Variants in SLC35A1 observed in about 807,000 individuals in gnomAD.
SLC35A1 encodes the protein solute carrier family 35 member A1, also known as CMP-sialic acid transporter.
In SLC35A1, 21 loss-of-function variants were observed where a neutral mutation model predicts 40.3. That is an observed-to-expected ratio of 0.52 (90% confidence interval 0.37 to 0.75). The LOEUF is 0.75. SLC35A1 is among the 30% of genes least tolerant of loss of function. The probability of loss-of-function intolerance (pLI) is 0.00; values close to 1 mark genes in which losing one functional copy is unlikely to be tolerated. For synonymous variants in SLC35A1, 146 were observed against 147.3 expected, an observed-to-expected ratio of 0.99 and a Z score of 0.06; for missense variants, 297 against 382.1, an observed-to-expected ratio of 0.78 and a Z score of 1.86.
At chr6:87,501,461 T>C (rs1443817160) in intron 4 of SLC35A1, 151 bp downstream of exon 4, 3 of 759,086 alleles carry the variant, frequency 4.0e-6, no homozygotes, top group Non-Finnish European at 6.7e-6. Flanking sequence ...TTCTTTAGCA[T>C]ATTATTAGGG....
intron 2 of SLC35A1, among the ~76,000 whole-genome samples, chr6:87,494,423 T>A (rs571998405): frequency 4.2e-5 from 1 of 23,610 alleles, no homozygotes; most frequent in Non-Finnish European, 7.0e-5. Context: ...AATATTTGAA[T>A]TTTTTTTTTT....
At chr6:87,486,314 A>C (rs1161800681) in intron 2 of SLC35A1, among the ~76,000 whole-genome samples, 1 of 152,158 alleles carries the variant, frequency 6.6e-6, no homozygotes, top group East Asian at 1.9e-4. Context: ...ATAACATACC[A>C]CTGCCATATT....
chr6:87,508,222 C>T (rs182899508), intron 5 of SLC35A1, among the ~76,000 whole-genome samples, 198 bp from the exon 6 acceptor site: 15 of 152,188 alleles, frequency 9.9e-5, no homozygotes, highest in African/African-American at 2.9e-4. Flanking sequence ...ATTCTATATA[C>T]TCTGTAAAAA....
intron 2 of SLC35A1, among the ~76,000 whole-genome samples, chr6:87,480,528 T>A (rs1242938999): frequency 6.6e-6 from 1 of 152,252 alleles, no homozygotes; most frequent in African/African-American, 2.4e-5. Context: ...TTTCTACTAC[T>A]GAGACCTTGC....
intron 2 of SLC35A1, among the ~76,000 whole-genome samples, chr6:87,480,822 A>G (rs913340702): frequency 8.5e-5 from 13 of 152,212 alleles, no homozygotes; most frequent in East Asian, 5.8e-4. Context: ...TCCAGGAACA[A>G]TGGTCCATGA....
chr6:87,494,411 T>A (rs571389831), intron 2 of SLC35A1, among the ~76,000 whole-genome samples: 363 of 145,848 alleles, frequency 2.5e-3, no homozygotes, highest in African/African-American at 8.5e-3. Flanking sequence ...TGATTTTTTT[T>A]AAATATTTGA....
chr6:87,491,482 T>C (rs1211707552), intron 2 of SLC35A1, among the ~76,000 whole-genome samples: 1 of 152,216 alleles, frequency 6.6e-6, no homozygotes, highest in Non-Finnish European at 1.5e-5. Context: ...TATGAGTCTT[T>C]CAGAAAAATG....
rs1770279553 is a variant in SLC35A1 at position 87,511,626 on chromosome 6, CTG to C, written c.*102_*103del. ...GGTAGCATAAACAAATAAAAATTAA[CTG>C]TATGGCATGATCAGTGCGGTTATGT... is the stretch of plus-strand genomic sequence containing the variant. On this transcript the variant is annotated 3_prime_UTR_variant, in exon 8 of 8. Transcript: ENST00000369552. The C allele has an allele frequency of 4.6e-6, 6 of 1,299,666 alleles. No homozygotes were observed. Among genetic ancestry groups the C allele is most frequent in the Admixed American group, 3.4e-5 (2 of 59,574 alleles). 80.5% of individuals were successfully genotyped at this position (1,299,666 alleles called of 1,614,324 possible).
At chr6:87,478,739 TATAA>T (rs1163366276) in intron 2 of SLC35A1, among the ~76,000 whole-genome samples, 3 of 152,226 alleles carry the variant, frequency 2.0e-5, no homozygotes, top group African/African-American at 4.8e-5. Flanking sequence ...AAATATGTGT[TATAA>T]ATAAAGTTTC....
chr6:87,486,828 G>A (rs973059504), intron 2 of SLC35A1, among the ~76,000 whole-genome samples: 4 of 152,264 alleles, frequency 2.6e-5, no homozygotes, highest in Non-Finnish European at 5.9e-5. Flanking sequence ...GGGTATCACA[G>A]TAGTAGTATG....
intron 5 of SLC35A1, among the ~76,000 whole-genome samples, chr6:87,507,490 T>C (rs1770122272): frequency 6.6e-6 from 1 of 152,200 alleles, no homozygotes; most frequent in East Asian, 1.9e-4. Context: ...AATATCTCTC[T>C]GTGTTTACGG....
chr6:87,497,071 A>G (rs1769752868), intron 2 of SLC35A1, among the ~76,000 whole-genome samples: 1 of 152,124 alleles, frequency 6.6e-6, no homozygotes, highest in Non-Finnish European at 1.5e-5. Context: ...GAAATTATTT[A>G]CCCTCTTCTT....
chr6:87,493,634 A>G (rs1048033469), intron 2 of SLC35A1, among the ~76,000 whole-genome samples: 6 of 152,312 alleles, frequency 3.9e-5, no homozygotes, highest in Admixed American at 6.5e-5. Context: ...TATTTGCTCA[A>G]TCCTAGAATA....
intron 2 of SLC35A1, among the ~76,000 whole-genome samples, chr6:87,494,688 G>A (rs967824606): frequency 2.0e-5 from 3 of 152,006 alleles, no homozygotes; most frequent in Admixed American, 2.0e-4. Flanking sequence ...GCCTCCCAAA[G>A]TGCTGGGATT....
chr6:87,507,750 T>TG (rs1222540990), intron 5 of SLC35A1, among the ~76,000 whole-genome samples: 7 of 148,818 alleles, frequency 4.7e-5, no homozygotes, highest in Admixed American at 6.9e-5. Flanking sequence ...GGACTTTTGT[T>TG]GGGGAGGGGT....
chr6:87,501,223 C>T lies in SLC35A1; in HGVS notation c.420C>T (p.Leu140=). Residue 140 remains leucine, a synonymous_variant, in exon 4 of 8, where the codon CTC becomes CTT. Transcript: ENST00000369552. ...CTGTTTTAATGTTAAACCGGACACT[C>T]AGCAAATTACAGTGGGTTTCAGTTT... ...LCTVLMLNRT[L]SKLQWVSVFM... 3 of 1,613,958 alleles carry T rather than the reference C, an allele frequency of 1.9e-6. No individual in the cohort carries two copies. The highest frequency in any genetic ancestry group is 4.5e-5 in the East Asian group (2 of 44,880).
intron 7 of SLC35A1, among the ~76,000 whole-genome samples, chr6:87,510,573 T>C (rs1039766150): frequency 3.3e-5 from 5 of 152,152 alleles, no homozygotes; most frequent in Non-Finnish European, 5.9e-5. Context: ...TCTTGCATCC[T>C]GATTTTTAAG....
intron 2 of SLC35A1, among the ~76,000 whole-genome samples, chr6:87,490,700 A>C (rs1356245238): frequency 6.6e-6 from 1 of 152,212 alleles, no homozygotes; most frequent in African/African-American, 2.4e-5. Flanking sequence ...AAAACTAGGC[A>C]AAAAATATGA....
intron 6 of SLC35A1, 64 bp downstream of exon 6, chr6:87,508,660 AT>A: frequency 8.0e-7 from 1 of 1,242,364 alleles, no homozygotes; most frequent in Non-Finnish European, 1.2e-6. Flanking sequence ...TTAGATGTCC[AT>A]TTTAAGCTGT....
Sources: allele counts gnomAD v4.1 joint callset (sites outside exome capture counted in the v4.1 genomes callset), GRCh38; gene constraint gnomAD v4.1.1; transcripts MANE v1.5; gene names NCBI Gene and HGNC (gene_info 2026-07-23, HGNC 2026-07-21).